MAP2K6: variants seen among roughly 807,000 people sequenced by gnomAD.
MAP2K6 encodes mitogen-activated protein kinase kinase 6.
MAP2K6 carries 16 observed loss-of-function variants against 53.7 expected under a neutral mutation model. That is an observed-to-expected ratio of 0.30 (90% confidence interval 0.20 to 0.45). MAP2K6 has a LOEUF of 0.45. Ranked by LOEUF, MAP2K6 falls within the 20% of genes least tolerant of loss-of-function variation. The pLI, the probability that MAP2K6 is intolerant of heterozygous loss-of-function variation, is 1.00. For synonymous variants in MAP2K6, 132 were observed against 143.1 expected (o/e 0.92, Z 0.55); for missense variants, 204 against 411.9 (o/e 0.50, Z 4.37).
chr17:69,488,794 C>T (rs932502258), intron 1 of MAP2K6, among the ~76,000 whole-genome samples: 14 of 152,084 alleles, frequency 9.2e-5, no homozygotes, highest in Admixed American at 5.9e-4. Context: ...GAAAGGGTTG[C>T]ATAACTAACT....
rs1444648825 is a variant in MAP2K6, at chr17:69,523,463, A to G, written c.536-51A>G. The G allele has an allele frequency of 2.5e-6, 4 of 1,605,032 alleles. No individual in the cohort carries two copies. In the East Asian group the frequency reaches 8.9e-5, roughly 36 times the overall value. ...TAGGCCCTCTGGTGGCAGAGAAATG[A>G]ACCTTGAAAGCAGGCTGAAATGATG... On this transcript the variant is annotated intron_variant, in intron 7 of 11. Coordinates refer to ENST00000590474, the MANE Select transcript of MAP2K6 (RefSeq NM_002758.4).
intron 1 of MAP2K6, among the ~76,000 whole-genome samples, chr17:69,461,359 G>A (rs919760952): frequency 1.3e-5 from 2 of 152,142 alleles, no homozygotes; most frequent in East Asian, 3.9e-4. Context: ...ACGTGGTCCC[G>A]ATGCAATGGA....
intron 5 of MAP2K6, chr17:69,520,065 T>A: frequency 1.9e-6 from 1 of 530,258 alleles, no homozygotes. Flanking sequence ...AGGTTCTGCT[T>A]GGCTACCTAC....
At position 69,520,296 on chromosome 17, in the gene MAP2K6, C is replaced by T; in HGVS notation, c.393C>T (p.Leu131=). The change falls in exon 6 of 12, where the codon CTC becomes CTT. Residue 131 remains leucine (L), a synonymous_variant. Coordinates refer to ENST00000590474, the MANE Select transcript of MAP2K6 (RefSeq NM_002758.4). ...GTGATGTGTGGATCTGCATGGAGCTCATGGATACATCACTAGATAAATTCT... is the reference window on the plus strand; with the variant it reads ...GTGATGTGTGGATCTGCATGGAGCTTATGGATACATCACTAGATAAATTCT... ...REGDVWICME[L]MDTSLDKFYK... is the part of the protein sequence containing the mutation. 6.2e-7 allele frequency: 1 copy of T among 1,609,464 alleles called. No individual in the cohort carries two copies. Among genetic ancestry groups the T allele is most frequent in the Non-Finnish European group, 8.5e-7 (1 of 1,176,948 alleles).
chr17:69,470,152 C>T (rs546068892), intron 1 of MAP2K6, among the ~76,000 whole-genome samples: 2 of 152,244 alleles, frequency 1.3e-5, no homozygotes, highest in South Asian at 4.2e-4. Flanking sequence ...TTGCAGTGAG[C>T]CTCATCACAC....
intron 1 of MAP2K6, among the ~76,000 whole-genome samples, chr17:69,457,821 C>G (rs551790159): frequency 6.6e-6 from 1 of 152,078 alleles, no homozygotes; most frequent in African/African-American, 2.4e-5. Flanking sequence ...AAAACCAAAA[C>G]AAAACAAAAG....
intron 11 of MAP2K6, 57 bp downstream of exon 11, chr17:69,536,217 C>T (rs574767255): frequency 8.1e-7 from 1 of 1,232,438 alleles, no homozygotes; most frequent in East Asian, 2.3e-5. Flanking sequence ...AAGGCAAAGT[C>T]ACTAAGACCT....
In MAP2K6 at chr17:69,550,716, A is replaced by G. The variant is rs1598330038; in HGVS notation, c.*8963A>G. ...GTGAACAGAAGGGAAAAAGAGTGTG[A>G]TGAAGGTGAACTCTGCCTATCTGAA... On this transcript the variant is annotated 3_prime_UTR_variant, in exon 12 of 12. Coordinates refer to ENST00000590474, the MANE Select transcript of MAP2K6 (RefSeq NM_002758.4). 6.6e-6 allele frequency: 1 copy of G among 152,170 alleles called. No individual in the cohort carries two copies. The highest frequency in any genetic ancestry group is 6.5e-5 in the Admixed American group (1 of 15,268). The allele number at this position is 152,170 out of a possible 1,614,324, so 9.4% of individuals were successfully genotyped here. A position where few individuals can be genotyped will look rare whatever the true frequency, so the allele number is the denominator to read the frequency against.
chr17:69,452,953 G>A (rs2145161126), intron 1 of MAP2K6, among the ~76,000 whole-genome samples: 1 of 152,228 alleles, frequency 6.6e-6, no homozygotes, highest in African/African-American at 2.4e-5. Context: ...CTTTCATTTG[G>A]CCGAAAGCTG....
chr17:69,495,446 G>A (rs1244957962), intron 1 of MAP2K6, among the ~76,000 whole-genome samples: 1 of 151,946 alleles, frequency 6.6e-6, no homozygotes, highest in Non-Finnish European at 1.5e-5. Flanking sequence ...ATGTTGGCCA[G>A]GGTGGTCTCA....
intron 1 of MAP2K6, among the ~76,000 whole-genome samples, chr17:69,430,980 A>G (rs1906444780): frequency 6.6e-6 from 1 of 152,196 alleles, no homozygotes; most frequent in Non-Finnish European, 1.5e-5. Flanking sequence ...AAGAACCTGG[A>G]CAATTTTCGT....
chr17:69,441,928 G>T (rs1906832969), intron 1 of MAP2K6, among the ~76,000 whole-genome samples: 1 of 152,108 alleles, frequency 6.6e-6, no homozygotes, highest in East Asian at 1.9e-4. Flanking sequence ...CAGTTCTCTG[G>T]CTGGGAGGGA....
At chr17:69,521,164 C>T (rs752194353) in intron 7 of MAP2K6, 64 bp downstream of exon 7, 10 of 1,443,872 alleles carry the variant, frequency 6.9e-6, no homozygotes, top group East Asian at 4.6e-5. Context: ...ACCTGGAGTC[C>T]GTCTCTACCC....
rs1446593039 is a variant in MAP2K6, at chr17:69,415,275, C to T, written c.16+275C>T. Among the ~76,000 whole-genome samples the T allele has an allele frequency of 2.6e-5, 4 of 152,128 alleles. No homozygotes were observed. The East Asian group carries it at 5.8e-4, about 22-fold the overall frequency. ...TTTTGCACAGTCAGGAGAGACAGAGCAGGTTGGTAGCGTCTAAATGTGCAA... is the reference window on the plus strand; with the variant it reads ...TTTTGCACAGTCAGGAGAGACAGAGTAGGTTGGTAGCGTCTAAATGTGCAA... On this transcript the variant is annotated intron_variant, in intron 1 of 11. Coordinates refer to ENST00000590474, the MANE Select transcript of MAP2K6 (RefSeq NM_002758.4).
chr17:69,450,123 T>A (rs909610249), intron 1 of MAP2K6, among the ~76,000 whole-genome samples: 6 of 120,070 alleles, frequency 5.0e-5, no homozygotes, highest in South Asian at 5.1e-4. Context: ...TTTTTTTTTT[T>A]AATAATTTTA....
chr17:69,437,853 C>G (rs1461950691), intron 1 of MAP2K6, among the ~76,000 whole-genome samples: 1 of 152,246 alleles, frequency 6.6e-6, no homozygotes, highest in Non-Finnish European at 1.5e-5. Flanking sequence ...TTGTGTGTGA[C>G]TTCTGCCACT....
intron 1 of MAP2K6, among the ~76,000 whole-genome samples, chr17:69,496,367 G>A (rs1169957759): frequency 6.6e-6 from 1 of 151,570 alleles, no homozygotes; most frequent in Non-Finnish European, 1.5e-5. Flanking sequence ...TGCCTCCCGG[G>A]TTCCAGCGAT....
At chr17:69,480,723 G>T (rs1430401293) in intron 1 of MAP2K6, among the ~76,000 whole-genome samples, 1 of 152,166 alleles carries the variant, frequency 6.6e-6, no homozygotes, top group African/African-American at 2.4e-5. Context: ...CAGAATGCTT[G>T]TTGGGGAAGC....
intron 11 of MAP2K6, among the ~76,000 whole-genome samples, chr17:69,539,998 C>G (rs539829594): frequency 1.3e-5 from 2 of 152,300 alleles, no homozygotes; most frequent in Admixed American, 1.3e-4. Context: ...AGCACTCAAC[C>G]TGTGTCCTCA....
Sources: gnomAD v4.1 joint callset for allele counts (sites outside exome capture counted in the v4.1 genomes callset) on GRCh38, gnomAD v4.1.1 for gene constraint, MANE v1.5 for transcripts, NCBI Gene and HGNC (gene_info 2026-07-23, HGNC 2026-07-21) for gene names.